Variants in AAR2 observed in about 807,000 individuals in gnomAD.
AAR2 encodes the protein AAR2 splicing factor.
In AAR2, 31 loss-of-function variants were observed where a neutral mutation model predicts 26.9. That is an observed-to-expected ratio of 1.15 (90% confidence interval 0.86 to 1.55). The LOEUF (loss-of-function observed/expected upper bound fraction) is 1.55. Ranked by LOEUF, AAR2 falls within the 40% of genes most tolerant of loss-of-function variation. The pLI, the probability that AAR2 is intolerant of heterozygous loss-of-function variation, is 0.00. For synonymous variants in AAR2, 188 were observed against 196.1 expected, an observed-to-expected ratio of 0.96 and a Z score of 0.34; for missense variants, 430 against 491.3, an observed-to-expected ratio of 0.88 and a Z score of 1.18.
Position 36,244,804 on chromosome 20 carries a change from A to T in AAR2, c.865A>T (p.Met289Leu), listed in dbSNP as rs2064717877. The T allele has an allele frequency of 1.2e-6, 2 of 1,614,088 alleles. No homozygotes were observed. Among genetic ancestry groups the T allele is most frequent in the Non-Finnish European group, 1.7e-6 (2 of 1,180,058 alleles). ...CCTGTGCCGGTCAGAAGCAGCCATG[A>T]TGAAGCACCACACCCTCTACATCAA... ...NLLCRSEAAM[M>L]KHHTLYINLI... The change falls in exon 3 of 4, where the codon ATG becomes TTG. Residue 289 changes from methionine (M) to leucine (L), a missense_variant. By Grantham distance (15) the Met-to-Leu change is conservative (BLOSUM62 2). Transcript: ENST00000320849.
At chr20:36,246,087 C>T (rs2064732304) in intron 3 of AAR2, among the ~76,000 whole-genome samples, 1 of 152,176 alleles carries the variant, frequency 6.6e-6, no homozygotes, top group African/African-American at 2.4e-5. Flanking sequence ...CAAATGGGAA[C>T]ACTTGAGAAT....
At chr20:36,251,187 C>A (rs188647136) in intron 3 of AAR2, among the ~76,000 whole-genome samples, 294 of 150,546 alleles carry the variant, frequency 2.0e-3, no homozygotes, top group Middle Eastern at 6.8e-3. Context: ...CAGAGTGAGA[C>A]CCTATCTCAA....
At chr20:36,253,200 A>G (rs1319548175) in intron 3 of AAR2, among the ~76,000 whole-genome samples, 1 of 152,256 alleles carries the variant, frequency 6.6e-6, no homozygotes, top group East Asian at 1.9e-4. Context: ...GGTGGGAGGA[A>G]TATTCCCCCT....
chr20:36,248,428 C>T (rs541281873), intron 3 of AAR2, among the ~76,000 whole-genome samples: 7 of 151,816 alleles, frequency 4.6e-5, no homozygotes, highest in East Asian at 1.9e-4. Context: ...CTCTGCCTCC[C>T]GGGTTCAAGT....
At chr20:36,240,816 G>T (rs1480793032) in intron 2 of AAR2, among the ~76,000 whole-genome samples, 191 bp downstream of exon 2, 1 of 152,194 alleles carries the variant, frequency 6.6e-6, no homozygotes, top group Non-Finnish European at 1.5e-5. Context: ...GGCTTCCGCA[G>T]TTTCTATCTG....
At chr20:36,241,734 G>A (rs1248867018) in intron 2 of AAR2, among the ~76,000 whole-genome samples, 1 of 152,162 alleles carries the variant, frequency 6.6e-6, no homozygotes, top group East Asian at 1.9e-4. Context: ...AGTGAACCAA[G>A]ACCTCGCCAT....
chr20:36,247,479 C>T (rs974486755), intron 3 of AAR2, among the ~76,000 whole-genome samples: 2 of 152,156 alleles, frequency 1.3e-5, no homozygotes, highest in African/African-American at 2.4e-5. Context: ...CTTCTCTTTC[C>T]TCTCCGTTTT....
chr20:36,245,721 G>A (rs1601180474), intron 3 of AAR2, among the ~76,000 whole-genome samples: 1 of 152,340 alleles, frequency 6.6e-6, no homozygotes, highest in East Asian at 1.9e-4. Context: ...GAAGGGACGA[G>A]CATTCGTTAA....
Position 36,240,303 on chromosome 20 carries a change from G to A in AAR2, c.435G>A (p.Val145=). The A allele has an allele frequency of 6.2e-7, 1 of 1,614,242 alleles. No individual in the cohort carries two copies. The highest frequency in any genetic ancestry group is 8.5e-7 in the Non-Finnish European group (1 of 1,180,044). Reference sequence around the variant, plus strand: ...CCAACTTCATCAGCGAAGCCACAGTGGAGAAGCTACAGCCCGAGAATCGAC... The same window carrying A: ...CCAACTTCATCAGCGAAGCCACAGTAGAGAAGCTACAGCCCGAGAATCGAC... ...SLTNFISEAT[V]EKLQPENRQI... The change falls in exon 2 of 4, where the codon GTG becomes GTA. Residue 145 remains valine, a synonymous_variant. Coordinates refer to ENST00000320849, the MANE Select transcript of AAR2 (RefSeq NM_001271874.2).
intron 3 of AAR2, among the ~76,000 whole-genome samples, chr20:36,247,911 C>A (rs1726717357): frequency 6.6e-6 from 1 of 151,990 alleles, no homozygotes; most frequent in South Asian, 2.1e-4. Flanking sequence ...AAAAAAAACA[C>A]AATTTAACAT....
chr20:36,241,498 A>G (rs2147287876), intron 2 of AAR2, among the ~76,000 whole-genome samples: 1 of 152,212 alleles, frequency 6.6e-6, no homozygotes, highest in African/African-American at 2.4e-5. Flanking sequence ...CTATTGTATC[A>G]TCAAGTGGCC....
chr20:36,242,854 G>GTTTTTTT (rs766390749), intron 2 of AAR2, among the ~76,000 whole-genome samples: 5 of 121,022 alleles, frequency 4.1e-5, no homozygotes, highest in Admixed American at 8.5e-5. Context: ...AACTTTGTTG[G>GTTTTTTT]TTTTTTTTTT....
At position 36,250,674 on chromosome 20, in the gene AAR2, T is replaced by C. The variant is rs1206664175; in HGVS notation, c.988-4904T>C. Among the ~76,000 whole-genome samples, 4 of 151,962 alleles carry C rather than the reference T, an allele frequency of 2.6e-5. No homozygotes were observed. In the East Asian group the frequency reaches 7.7e-4, roughly 29 times the overall value. ...GGGGCCGCACAAGGGAGCTGTTTGG[T>C]GTGATGGGATGGCTCCATGTCCTGA... On this transcript the variant is annotated intron_variant, in intron 3 of 3. Transcript: ENST00000320849.
chr20:36,240,253 A>G lies in AAR2; in HGVS notation c.385A>G (p.Thr129Ala). 1 of 1,614,152 alleles carries G rather than the reference A, an allele frequency of 6.2e-7. No individual in the cohort carries two copies. ...DQFLGPYPYATLKKWISLTNF... is the reference protein window; with the variant it reads ...DQFLGPYPYAALKKWISLTNF... ...GTTCCTGGGGCCTTACCCATATGCC[A>G]CCCTGAAGAAGTGGATCTCACTCAC... The change falls in exon 2 of 4, where the codon ACC (threonine) becomes GCC (alanine). Residue 129 changes from threonine (T) to alanine (A), a missense_variant. By Grantham distance (58) the Thr-to-Ala change is moderately conservative. Coordinates refer to ENST00000320849, the MANE Select transcript of AAR2 (RefSeq NM_001271874.2).
chr20:36,247,768 C>T (rs908125372), intron 3 of AAR2, among the ~76,000 whole-genome samples: 19 of 152,022 alleles, frequency 1.2e-4, no homozygotes, highest in African/African-American at 4.1e-4. Flanking sequence ...ACTCAGGAGG[C>T]TGAGGCAGGA....
chr20:36,255,520 C>T, intron 3 of AAR2, 58 bp from the exon 4 acceptor site: 1 of 1,593,418 alleles, frequency 6.3e-7, no homozygotes, highest in South Asian at 1.1e-5. Flanking sequence ...ATTTCCACAG[C>T]TTTCTCGCCC....
Position 36,240,066 on chromosome 20 carries a change from T to A in AAR2, c.198T>A (p.Ala66=). ...HFLHYSSVDK[A]NPKEVGPRMG... is the part of the protein sequence containing the mutation. Reference sequence around the variant, plus strand: ...TCCACTACAGCTCTGTGGACAAGGCTAATCCGAAGGAAGTAGGCCCTCGTA... The same window carrying A: ...TCCACTACAGCTCTGTGGACAAGGCAAATCCGAAGGAAGTAGGCCCTCGTA... The change falls in exon 2 of 4, where the codon GCT becomes GCA. Residue 66 remains alanine, a synonymous_variant. Transcript: ENST00000320849. 2 of 1,614,222 alleles carry A rather than the reference T, an allele frequency of 1.2e-6. 1 individual carries two copies. The highest frequency in any genetic ancestry group is 2.2e-5 in the South Asian group (2 of 91,078).
At chr20:36,244,956 A>G (rs766373739) in intron 3 of AAR2, 30 bp downstream of exon 3, 2 of 1,576,848 alleles carry the variant, frequency 1.3e-6, no homozygotes, top group African/African-American at 2.7e-5. Context: ...GAGCTGATGC[A>G]CATGTGGGTC....
chr20:36,251,393 T>C lies in AAR2; in HGVS notation c.988-4185T>C, dbSNP rs1251925557. Among the ~76,000 whole-genome samples the C allele has an allele frequency of 2.0e-5, 3 of 152,190 alleles. No homozygotes were observed. The East Asian group carries it at 5.8e-4, about 29-fold the overall frequency. ...AATAAAATAAAATGAATAAAATTAA[T>C]TGTGTGTAAGTTATACCACAATAAG... On this transcript the variant is annotated intron_variant, in intron 3 of 3. Coordinates refer to ENST00000320849, the MANE Select transcript of AAR2 (RefSeq NM_001271874.2).
Sources: gnomAD v4.1 joint callset for allele counts (sites outside exome capture counted in the v4.1 genomes callset) on GRCh38, gnomAD v4.1.1 for gene constraint, MANE v1.5 for transcripts, NCBI Gene and HGNC (gene_info 2026-07-23, HGNC 2026-07-21) for gene names.